WDR25: variants seen among roughly 807,000 people sequenced by gnomAD.
WDR25 encodes the protein WD repeat domain 25, also known as WD repeat-containing protein 25.
A neutral mutation model predicts 47.7 loss-of-function variants in WDR25; 35 were observed. The observed-to-expected ratio is 0.73, with a 90% CI of 0.56 to 0.97. The LOEUF (loss-of-function observed/expected upper bound fraction) is 0.97, where lower values mean the gene tolerates loss of function less well. Ranked by LOEUF, WDR25 falls within the 50% of genes least tolerant of loss-of-function variation. The pLI is 0.00. For missense variants in WDR25, 634 were observed against 704.7 expected, an observed-to-expected ratio of 0.90 and a Z score of 1.14; for synonymous variants, 248 against 278.9, an observed-to-expected ratio of 0.89 and a Z score of 1.10.
intron 2 of WDR25, among the ~76,000 whole-genome samples, chr14:100,467,212 C>T (rs1345936285): frequency 6.6e-6 from 1 of 152,224 alleles, no homozygotes; most frequent in African/African-American, 2.4e-5. Flanking sequence ...CTTTTTGGAT[C>T]TCTGTCTTAC....
chr14:100,520,466 A>G (rs1450200692), intron 4 of WDR25, among the ~76,000 whole-genome samples: 2 of 152,206 alleles, frequency 1.3e-5, no homozygotes, highest in African/African-American at 4.8e-5. Context: ...CACAGTGTAT[A>G]TCTAATTAGG....
chr14:100,436,996 G>A (rs983866013), intron 2 of WDR25, among the ~76,000 whole-genome samples: 2 of 152,218 alleles, frequency 1.3e-5, no homozygotes, highest in Non-Finnish European at 2.9e-5. Context: ...GCCTAGAAGA[G>A]CACTGAAGGC....
chr14:100,382,171 G>A, intron 2 of WDR25: 1 of 702,988 alleles, frequency 1.4e-6, no homozygotes, highest in Non-Finnish European at 2.6e-6. Context: ...CCCAGCCCCT[G>A]GTGTCAGGGC....
intron 3 of WDR25, among the ~76,000 whole-genome samples, chr14:100,474,291 G>A (rs1238321569): frequency 6.6e-6 from 1 of 152,156 alleles, no homozygotes; most frequent in Admixed American, 6.5e-5. Flanking sequence ...TAAATCAAAT[G>A]TTATTAAACT....
At position 100,503,454 on chromosome 14, in the gene WDR25, A is replaced by C. The variant is rs139300042; in HGVS notation, c.1101+19330A>C. Among the ~76,000 whole-genome samples the C allele has an allele frequency of 9.0e-3, 1,376 of 152,302 alleles. 16 individuals carry two copies. Among genetic ancestry groups the C allele is most frequent in the Middle Eastern group, 0.041 (12 of 294 alleles). ...TGTTTCCTTGGAAACATTTGAAAGC[A>C]GGTGCTTTATAATGAGCTGTACCTA... is the stretch of plus-strand genomic sequence containing the variant. On this transcript the variant is annotated intron_variant, in intron 4 of 6. Coordinates refer to ENST00000402312, the MANE Select transcript of WDR25 (RefSeq NM_001161476.3).
chr14:100,437,757 G>A (rs1187949303), intron 2 of WDR25, among the ~76,000 whole-genome samples: 1 of 151,884 alleles, frequency 6.6e-6, no homozygotes, highest in African/African-American at 2.4e-5. Context: ...CCAACCCTAC[G>A]TTCACCCACA....
At position 100,430,374 on chromosome 14, in the gene WDR25, C is replaced by G. The variant is rs1347830850; in HGVS notation, c.823-37647C>G. Among the ~76,000 whole-genome samples the G allele has an allele frequency of 6.6e-6, 1 of 152,102 alleles. No homozygotes were observed. The highest frequency in any genetic ancestry group is 1.5e-5 in the Non-Finnish European group (1 of 68,018). On this transcript the variant is annotated intron_variant, in intron 2 of 6. Coordinates refer to ENST00000402312, the MANE Select transcript of WDR25 (RefSeq NM_001161476.3). This position sits in a 1 kb window ranked among gnomAD's most constrained non-coding sequence, Gnocchi z 4.7. Reference sequence around the variant, plus strand: ...TGCCCTAGGTGATGGGGTGCTGCTACTGGGGCCATATACCATGAAGCCGAA... The same window carrying G: ...TGCCCTAGGTGATGGGGTGCTGCTAGTGGGGCCATATACCATGAAGCCGAA...
chr14:100,415,269 C>T (rs1897837651), intron 2 of WDR25, among the ~76,000 whole-genome samples: 1 of 152,066 alleles, frequency 6.6e-6, no homozygotes, highest in African/African-American at 2.4e-5. Context: ...GCAAGACAGG[C>T]AAAGAAATAT....
At chr14:100,471,769 G>A (rs969728240) in intron 3 of WDR25, among the ~76,000 whole-genome samples, 5 of 152,210 alleles carry the variant, frequency 3.3e-5, no homozygotes, top group Non-Finnish European at 7.3e-5. Context: ...CCTGAAATAC[G>A]GAGGGCCAGC....
rs75053355 is a variant in WDR25 at position 100,423,506 on chromosome 14, T to G, written c.822+41760T>G. On this transcript the variant is annotated intron_variant, in intron 2 of 6. Transcript: ENST00000402312. ...ACAAAGGCTGGCATTGGGGAGTGTT[T>G]AGGAAACGTGTTGAACCAAATAATT... Among the ~76,000 whole-genome samples, 866 of 152,312 alleles carry G rather than the reference T, an allele frequency of 5.7e-3. 4 individuals are homozygous for G. The highest frequency in any genetic ancestry group is 0.025 in the South Asian group (119 of 4,826).
chr14:100,393,932 A>G (rs1897198699), intron 2 of WDR25, among the ~76,000 whole-genome samples: 1 of 152,180 alleles, frequency 6.6e-6, no homozygotes, highest in African/African-American at 2.4e-5. Flanking sequence ...CACACTGCGT[A>G]TTCAAAAGAG....
chr14:100,460,688 G>C (rs1899382267), intron 2 of WDR25, among the ~76,000 whole-genome samples: 1 of 151,960 alleles, frequency 6.6e-6, no homozygotes, highest in Non-Finnish European at 1.5e-5. Flanking sequence ...AAATAGAAGA[G>C]AACTCCTTTA....
At chr14:100,414,828 C>A (rs1015827178) in intron 2 of WDR25, among the ~76,000 whole-genome samples, 6 of 150,868 alleles carry the variant, frequency 4.0e-5, no homozygotes, top group African/African-American at 1.5e-4. Context: ...CGCGTGAACC[C>A]GGGAGGCGGA....
rs1900846570 is a variant in WDR25 at position 100,499,576 on chromosome 14, C to T, written c.1101+15452C>T. The stretch of plus-strand genomic sequence containing the variant: ...GTTTTCAGTGTAGGTGAGACTTATG[C>T]ATGTTCACCTGCATCCTGGAGGAAG... On this transcript the variant is annotated intron_variant, in intron 4 of 6. Coordinates refer to ENST00000402312, the MANE Select transcript of WDR25 (RefSeq NM_001161476.3). The surrounding 1 kb of genome is among the most constrained non-coding windows in gnomAD (Gnocchi z 4.4). Among the ~76,000 whole-genome samples the T allele has an allele frequency of 6.6e-6, 1 of 152,140 alleles. No individual in the cohort carries two copies. The highest frequency in any genetic ancestry group is 6.5e-5 in the Admixed American group (1 of 15,276).
rs942392597 is a variant in WDR25, at chr14:100,428,653, C to G, written c.823-39368C>G. ...AGCCCCCTCTTCCCTGGTCTTATCC[C>G]TCGGAGGTGCTCTGCTGAGAGCTGC... On this transcript the variant is annotated intron_variant, in intron 2 of 6. Coordinates refer to ENST00000402312, the MANE Select transcript of WDR25 (RefSeq NM_001161476.3). This position sits in a 1 kb window ranked among gnomAD's most constrained non-coding sequence, Gnocchi z 4.3. Among the ~76,000 whole-genome samples, 14 of 152,164 alleles carry G rather than the reference C, an allele frequency of 9.2e-5. No individual in the cohort carries two copies. Among genetic ancestry groups the G allele is most frequent in the Non-Finnish European group, 1.8e-4 (12 of 68,026 alleles).
rs1039546184 is a variant in WDR25 at position 100,424,651 on chromosome 14, C to G, written c.822+42905C>G. Among the ~76,000 whole-genome samples the G allele has an allele frequency of 6.6e-6, 1 of 152,152 alleles. No homozygotes were observed. Among genetic ancestry groups the G allele is most frequent in the East Asian group, 1.9e-4 (1 of 5,192 alleles). Reference sequence around the variant, plus strand: ...GTCTTGGGCCTGGGGATGTAGAGCCCAGGTTCTGGGACCAGCCCTTCCTGC... The same window carrying G: ...GTCTTGGGCCTGGGGATGTAGAGCCGAGGTTCTGGGACCAGCCCTTCCTGC... On this transcript the variant is annotated intron_variant, in intron 2 of 6. Coordinates refer to ENST00000402312, the MANE Select transcript of WDR25 (RefSeq NM_001161476.3). The surrounding 1 kb of genome is among the most constrained non-coding windows in gnomAD (Gnocchi z 4.2).
chr14:100,403,414 C>T lies in WDR25; in HGVS notation c.822+21668C>T, dbSNP rs146231984. 2.5e-3 allele frequency among the ~76,000 whole-genome samples: 381 copies of T among 152,298 alleles called. 1 individual carries two copies. Among genetic ancestry groups the T allele is most frequent in the Middle Eastern group, 6.8e-3 (2 of 294 alleles). The stretch of plus-strand genomic sequence containing the variant: ...CAAAAGCCTTTGGAATTATTGGGAT[C>T]GTTGGGACTCCTGGGAAGGAACTGG... On this transcript the variant is annotated intron_variant, in intron 2 of 6. Transcript: ENST00000402312.
chr14:100,515,528 G>A (rs1412291386), intron 4 of WDR25, among the ~76,000 whole-genome samples: 2 of 152,110 alleles, frequency 1.3e-5, no homozygotes, highest in Non-Finnish European at 2.9e-5. Context: ...GTCTTTAAAA[G>A]ATATCTTTCA....
At chr14:100,447,686 T>C (rs929455970) in intron 2 of WDR25, among the ~76,000 whole-genome samples, 4 of 152,142 alleles carry the variant, frequency 2.6e-5, no homozygotes, top group Admixed American at 6.5e-5. Flanking sequence ...GAATTACACT[T>C]CTGTGGCCTA....
Sources: gnomAD v4.1 joint callset for allele counts (sites outside exome capture counted in the v4.1 genomes callset) on GRCh38, gnomAD v4.1.1 for gene constraint, Gnocchi (gnomAD v3.1) non-coding constraint, MANE v1.5 for transcripts, NCBI Gene and HGNC (gene_info 2026-07-23, HGNC 2026-07-21) for gene names.